MAMLD1: variants seen among roughly 807,000 people sequenced by gnomAD.
MAMLD1 encodes the protein mastermind-like domain-containing protein 1.
Under a neutral mutation model 45.0 loss-of-function variants are expected in MAMLD1, and 14 were observed. The observed-to-expected ratio is 0.31, with a 90% confidence interval of 0.21 to 0.49. The LOEUF (loss-of-function observed/expected upper bound fraction) is 0.49. Ranked by LOEUF, MAMLD1 falls within the 20% of genes least tolerant of loss-of-function variation. The pLI is 0.99. For synonymous variants in MAMLD1, 254 were observed against 247.8 expected (o/e 1.02, Z -0.24); for missense variants, 543 against 603.6 (o/e 0.90, Z 1.05).
chrX:150,471,162 G>A lies in MAMLD1; in HGVS notation c.1589G>A (p.Ser530Asn). The A allele has an allele frequency of 8.3e-7, 1 of 1,211,724 alleles. No homozygotes were observed. The highest frequency in any genetic ancestry group is 1.1e-6 in the Non-Finnish European group (1 of 895,518). The change falls in exon 4 of 8, where the codon AGC becomes AAC. Residue 530 changes from serine (S) to asparagine (N), a missense_variant. Transcript: ENST00000370401. ...MIMQQGMASS[S>N]PGATEPFTFG... ...ATGCAGCAGGGGATGGCAAGCTCCA[G>A]CCCAGGAGCCACGGAGCCATTTACT...
chrX:150,365,369 A>G (rs1235875848), intron 1 of MAMLD1, among the ~76,000 whole-genome samples: 1 of 112,402 alleles, frequency 8.9e-6, no homozygotes, highest in African/African-American at 3.2e-5. Flanking sequence ...CCGGCCTGCC[A>G]GCCCTGGACA....
chrX:150,451,873 T>A (rs1223937126), intron 2 of MAMLD1, among the ~76,000 whole-genome samples: 1 of 111,198 alleles, frequency 9.0e-6, no homozygotes, highest in Non-Finnish European at 1.9e-5. Context: ...CCCTCTCTCT[T>A]GCTCCGGGCC....
At chrX:150,435,869 T>C (rs1206300878) in intron 1 of MAMLD1, among the ~76,000 whole-genome samples, 2 of 112,594 alleles carry the variant, frequency 1.8e-5, no homozygotes, top group Non-Finnish European at 3.8e-5. Context: ...TTCCTTTCCA[T>C]ATTTAGCACT....
At chrX:150,444,908 G>A (rs1024484993) in intron 1 of MAMLD1, among the ~76,000 whole-genome samples, 4 of 111,641 alleles carry the variant, frequency 3.6e-5, no homozygotes, top group Non-Finnish European at 7.5e-5. Flanking sequence ...CCCTTCCTGT[G>A]TCTGTCAGGC....
chrX:150,423,351 T>TGTGC (rs1444037013), intron 1 of MAMLD1, among the ~76,000 whole-genome samples: 4 of 102,320 alleles, frequency 3.9e-5, no homozygotes, highest in African/African-American at 1.4e-4. Flanking sequence ...TTATACTCTG[T>TGTGC]GTGTGTGTGT....
intron 2 of MAMLD1, among the ~76,000 whole-genome samples, chrX:150,457,105 G>T (rs900248312): frequency 2.7e-5 from 3 of 112,786 alleles, no homozygotes; most frequent in Non-Finnish European, 3.7e-5. Context: ...AGAAGGTACA[G>T]AAGCCAACTC....
intron 1 of MAMLD1, among the ~76,000 whole-genome samples, chrX:150,364,115 G>C (rs1444667032): frequency 8.8e-6 from 1 of 113,067 alleles, no homozygotes; most frequent in Non-Finnish European, 1.9e-5. Flanking sequence ...CTGAGCTGGT[G>C]TTCAGGGCAG....
At chrX:150,434,403 A>G (rs2035054647) in intron 1 of MAMLD1, among the ~76,000 whole-genome samples, 2 of 110,212 alleles carry the variant, frequency 1.8e-5, no homozygotes, top group Admixed American at 9.7e-5. Flanking sequence ...TTTTCCCTCA[A>G]TTCAGCTTTG....
intron 7 of MAMLD1, 68 bp from the exon 8 acceptor site, chrX:150,511,936 C>T: frequency 1.0e-6 from 1 of 990,552 alleles, no homozygotes; most frequent in South Asian, 3.6e-5. Flanking sequence ...GAGCTACCCT[C>T]CGGTGGCCAC....
Position 150,469,860 on chromosome X carries a change from G to T in MAMLD1, c.287G>T (p.Gly96Val). The T allele has an allele frequency of 8.3e-7, 1 of 1,211,459 alleles. No individual in the cohort carries two copies. ...CTTGAAGATGTCACCCTTGCAATGG[G>T]CCCAGGTGCTCATCCTAGTACTGCT... Reference protein sequence around the residue: ...PCLEDVTLAMGPGAHPSTACA... With the variant: ...PCLEDVTLAMVPGAHPSTACA... The change falls in exon 4 of 8, where the codon GGC becomes GTC. Residue 96 changes from glycine (G) to valine (V), a missense_variant. Transcript: ENST00000370401.
At chrX:150,504,979 T>C (rs1408141063) in intron 6 of MAMLD1, 1 of 752,593 alleles carries the variant, frequency 1.3e-6, no homozygotes, top group Non-Finnish European at 1.6e-6. Context: ...TTGTTTCCTT[T>C]GCCCGGGATC....
Position 150,512,957 on chromosome X carries a change from G to A in MAMLD1, c.*998G>A. On this transcript the variant is annotated 3_prime_UTR_variant, in exon 8 of 8. Coordinates refer to ENST00000370401, the MANE Select transcript of MAMLD1 (RefSeq NM_005491.5). ...GAAAGGCTCCTGTGTGAGCCCAGATGAAGACTGGGTGTGCAACTTGAGGCT... is the reference window on the plus strand; with the variant it reads ...GAAAGGCTCCTGTGTGAGCCCAGATAAAGACTGGGTGTGCAACTTGAGGCT... The A allele has an allele frequency of 8.7e-7, 1 of 1,155,983 alleles. No individual in the cohort carries two copies.
At chrX:150,375,830 G>C (rs1038653718) in intron 1 of MAMLD1, among the ~76,000 whole-genome samples, 1 of 112,024 alleles carries the variant, frequency 8.9e-6, no homozygotes, top group Non-Finnish European at 1.9e-5. Flanking sequence ...TCAGTTGAAA[G>C]CAGATGCCAC....
chrX:150,372,624 T>C (rs2124459678), intron 1 of MAMLD1, among the ~76,000 whole-genome samples: 1 of 112,438 alleles, frequency 8.9e-6, no homozygotes, highest in Admixed American at 9.4e-5. Flanking sequence ...GAACATGTTG[T>C]AACAAAGCTC....
At chrX:150,373,532 A>T (rs1480595803) in intron 1 of MAMLD1, among the ~76,000 whole-genome samples, 1 of 111,612 alleles carries the variant, frequency 9.0e-6, no homozygotes, top group African/African-American at 3.3e-5. Flanking sequence ...ACCCTCTCTC[A>T]GGAGTAGAAC....
chrX:150,451,836 G>A (rs1041196476), intron 2 of MAMLD1, among the ~76,000 whole-genome samples: 1 of 111,073 alleles, frequency 9.0e-6, no homozygotes, highest in African/African-American at 3.3e-5. Flanking sequence ...AACCCAAGGC[G>A]CAGGCATGTC....
chrX:150,370,353 T>A (rs1433691104), intron 1 of MAMLD1, among the ~76,000 whole-genome samples: 1 of 111,699 alleles, frequency 9.0e-6, no homozygotes, highest in Non-Finnish European at 1.9e-5. Flanking sequence ...AGGAGGAAAA[T>A]TTCATAAATC....
intron 6 of MAMLD1, among the ~76,000 whole-genome samples, chrX:150,508,148 C>T (rs186698493): frequency 3.6e-4 from 40 of 112,657 alleles, no homozygotes; most frequent in Non-Finnish European, 5.1e-4. Flanking sequence ...GAGACTGGTA[C>T]AAGAAGAGCC....
chrX:150,501,422 C>T (rs2037548711), intron 5 of MAMLD1, among the ~76,000 whole-genome samples: 1 of 112,344 alleles, frequency 8.9e-6, no homozygotes, highest in Non-Finnish European at 1.9e-5. Flanking sequence ...GATAACCTTG[C>T]TCCAAGGACA....
Sources: gnomAD v4.1 joint callset for allele counts (sites outside exome capture counted in the v4.1 genomes callset) on GRCh38, gnomAD v4.1.1 for gene constraint, MANE v1.5 for transcripts, NCBI Gene and HGNC (gene_info 2026-07-23, HGNC 2026-07-21) for gene names.